The following PLEKHD1 variants were observed in gnomAD, a reference collection of about 807,000 sequenced individuals.
PLEKHD1 encodes pleckstrin homology and coiled-coil domain containing D1.
Under a neutral mutation model 69.2 loss-of-function variants are expected in PLEKHD1, and 51 were observed. The ratio of observed to expected loss-of-function variants is 0.74; its 90% CI spans 0.59 to 0.93. PLEKHD1 has a LOEUF of 0.93. Ranked by LOEUF, PLEKHD1 falls within the 40% of genes least tolerant of loss-of-function variation. The pLI, the probability that PLEKHD1 is intolerant of heterozygous loss-of-function variation, is 0.00. For missense variants in PLEKHD1, 584 were observed against 641.0 expected (o/e 0.91, Z 0.96); for synonymous variants, 236 against 244.7 (o/e 0.96, Z 0.33).
At chr14:69,513,929 T>C (rs182700134) in intron 6 of PLEKHD1, among the ~76,000 whole-genome samples, 20 of 152,322 alleles carry the variant, frequency 1.3e-4, no homozygotes, top group African/African-American at 4.3e-4. Context: ...TTTTCTTGCT[T>C]TCATGGTTTC....
the PLEKHD1 span, among the ~76,000 whole-genome samples, chr14:69,478,924 A>G: frequency 6.6e-6 from 1 of 152,182 alleles, no homozygotes; most frequent in Non-Finnish European, 1.5e-5. Context: ...TACTGGTACA[A>G]ACTTTTGAGT....
At chr14:69,517,382 A>G (rs941594688) in intron 6 of PLEKHD1, among the ~76,000 whole-genome samples, 11 of 152,114 alleles carry the variant, frequency 7.2e-5, no homozygotes, top group Non-Finnish European at 1.5e-4. Flanking sequence ...ACAGTTGGAT[A>G]TAAGAGGATG....
In PLEKHD1 at chr14:69,526,101, A is replaced by T; in HGVS notation, c.902A>T (p.Glu301Val). The change falls in exon 9 of 13, where the codon GAG becomes GTG. Residue 301 changes from glutamate to valine, a missense_variant. Coordinates refer to ENST00000322564, the MANE Select transcript of PLEKHD1 (RefSeq NM_001161498.2). ...GAGAAGATGCAGCAGCTCTTAGAGG[A>T]GAAGCTCCTGGCAGAGAAGCGGTGA... ...IEEKMQQLLEEKLLAEKRMKE... is the reference protein window; with the variant it reads ...IEEKMQQLLEVKLLAEKRMKE... 1 of 1,550,714 alleles carries T rather than the reference A, an allele frequency of 6.4e-7. No homozygotes were observed. The highest frequency in any genetic ancestry group is 1.4e-5 in the African/African-American group (1 of 73,046).
At chr14:69,501,238 C>G (rs1387704544) in intron 4 of PLEKHD1, 1 of 495,954 alleles carries the variant, frequency 2.0e-6, no homozygotes, top group East Asian at 3.6e-5. Flanking sequence ...CCTCCCCAGG[C>G]CCATAATTAA....
At chr14:69,526,881 C>T (rs1883663530) in intron 10 of PLEKHD1, 52 bp downstream of exon 10, 1 of 1,477,222 alleles carries the variant, frequency 6.8e-7, no homozygotes, top group East Asian at 2.5e-5. Context: ...TGGAGACTCC[C>T]CTTCCACCCC....
At chr14:69,502,946 T>C in intron 6 of PLEKHD1, 67 bp downstream of exon 6, 4 of 1,529,640 alleles carry the variant, frequency 2.6e-6, no homozygotes, top group African/African-American at 1.4e-5. Context: ...CACTAGGGAA[T>C]GATGCAGGGG....
At position 69,522,352 on chromosome 14, in the gene PLEKHD1, A is replaced by T. The variant is rs1477172243; in HGVS notation, c.625A>T (p.Arg209Ter). The change falls in exon 7 of 13, where the codon AGA (arginine) becomes TGA (stop). Residue 209 changes from arginine (R) to a stop codon, truncating the protein, a stop_gained. Transcript: ENST00000322564. LOFTEE classifies it high-confidence loss of function. ...GTTCGAGGAGGTGGTGCAGGAGCTG[A>T]GAATGGAGCAGGAGCAGATCAAGAG... Reference protein sequence around the residue: ...QQFEEVVQELRMEQEQIKREL... With the variant: ...QQFEEVVQEL 1 of 1,551,556 alleles carries T rather than the reference A, an allele frequency of 6.4e-7. No homozygotes were observed. The highest frequency in any genetic ancestry group is 1.2e-5 in the South Asian group (1 of 84,052).
the PLEKHD1 span, among the ~76,000 whole-genome samples, chr14:69,476,691 A>G: frequency 2.0e-5 from 3 of 152,194 alleles, no homozygotes; most frequent in Admixed American, 2.0e-4. Context: ...GAAGATGTGA[A>G]GAGCATGGGA....
intron 1 of PLEKHD1, among the ~76,000 whole-genome samples, chr14:69,499,625 C>T (rs1371785589): frequency 2.0e-5 from 3 of 152,198 alleles, no homozygotes; most frequent in Non-Finnish European, 4.4e-5. Context: ...TGGGGAGCAG[C>T]CTGAGACAAA....
chr14:69,530,017 T>A lies in PLEKHD1; in HGVS notation c.*1598T>A, dbSNP rs1429426730. ...CTGGGATCAGGGTGCTCTTGGACACTGTTGACATTAAAGGTGCTCATTCTT... is the reference window on the plus strand; with the variant it reads ...CTGGGATCAGGGTGCTCTTGGACACAGTTGACATTAAAGGTGCTCATTCTT... On this transcript the variant is annotated 3_prime_UTR_variant, in exon 13 of 13. Transcript: ENST00000322564. 6.6e-6 allele frequency: 1 copy of A among 152,260 alleles called. No individual in the cohort carries two copies. The highest frequency in any genetic ancestry group is 1.5e-5 in the Non-Finnish European group (1 of 68,060). 9.4% of individuals were successfully genotyped at this position (152,260 alleles called of 1,614,324 possible).
chr14:69,501,690 T>C, intron 4 of PLEKHD1, 44 bp from the exon 5 acceptor site: 1 of 1,423,128 alleles, frequency 7.0e-7, no homozygotes, highest in South Asian at 1.3e-5. Context: ...GATTTTCTGT[T>C]TCTTCCTCTT....
upstream of PLEKHD1, among the ~76,000 whole-genome samples, chr14:69,484,366 G>A (rs932750305): frequency 6.6e-6 from 1 of 152,202 alleles, no homozygotes; most frequent in Non-Finnish European, 1.5e-5. Flanking sequence ...ACCCCGAGGC[G>A]AGCAGGTGTC....
intron 9 of PLEKHD1, 51 bp from the exon 10 acceptor site, chr14:69,526,646 A>T: frequency 2.1e-6 from 3 of 1,443,042 alleles, no homozygotes; most frequent in Non-Finnish European, 2.8e-6. Context: ...ATCCATTGGC[A>T]ATCCCATTTG....
At chr14:69,483,728 C>T (rs1273086125), upstream of PLEKHD1, among the ~76,000 whole-genome samples, 2 of 152,266 alleles carry the variant, frequency 1.3e-5, no homozygotes, top group Non-Finnish European at 2.9e-5. Flanking sequence ...TCCTTGGCTC[C>T]TCATCTTGGA....
intron 1 of PLEKHD1, among the ~76,000 whole-genome samples, chr14:69,491,216 GCCTT>G (rs1274024440): frequency 2.6e-5 from 4 of 152,180 alleles, no homozygotes; most frequent in African/African-American, 9.7e-5. Context: ...CAGTTTTCCA[GCCTT>G]CCACACTGCT....
chr14:69,490,148 A>G (rs1485570652), intron 1 of PLEKHD1, among the ~76,000 whole-genome samples: 4 of 152,178 alleles, frequency 2.6e-5, no homozygotes, highest in Non-Finnish European at 5.9e-5. Context: ...GTTTACAGGC[A>G]TGAGCCCCCT....
chr14:69,526,817 G>T lies in PLEKHD1; in HGVS notation c.1044G>T (p.Glu348Asp), dbSNP rs1320190237. 6.5e-7 allele frequency: 1 copy of T among 1,546,414 alleles called. No individual in the cohort carries two copies. The highest frequency in any genetic ancestry group is 8.7e-7 in the Non-Finnish European group (1 of 1,144,494). Residue 348 changes from glutamate (E) to aspartate (D), a missense_variant, in exon 10 of 13, where the codon GAG (glutamate) becomes GAT (aspartate). Coordinates refer to ENST00000322564, the MANE Select transcript of PLEKHD1 (RefSeq NM_001161498.2). ...QELTAEKQQAERELKAEVKVR... is the reference protein window; with the variant it reads ...QELTAEKQQADRELKAEVKVR... ...TGACGGCAGAGAAGCAGCAGGCTGAGCGGGAGCTCAAGGTGCGACCTGGCC... is the reference window on the plus strand; with the variant it reads ...TGACGGCAGAGAAGCAGCAGGCTGATCGGGAGCTCAAGGTGCGACCTGGCC...
chr14:69,507,821 A>G (rs1883185639), intron 6 of PLEKHD1, among the ~76,000 whole-genome samples: 2 of 152,066 alleles, frequency 1.3e-5, no homozygotes. Flanking sequence ...AGATCCTCTC[A>G]CCTCAGCCTC....
At position 69,488,323 on chromosome 14, in the gene PLEKHD1, A is replaced by C. The variant is rs114787011; in HGVS notation, c.149+3209A>C. Among the ~76,000 whole-genome samples the C allele has an allele frequency of 4.4e-3, 670 of 152,324 alleles. 7 individuals are homozygous for C. Among genetic ancestry groups the C allele is most frequent in the African/African-American group, 0.016 (646 of 41,566 alleles). On this transcript the variant is annotated intron_variant, in intron 1 of 12. Transcript: ENST00000322564. The stretch of plus-strand genomic sequence containing the variant: ...GCCCAGGGTTTTGACTTTGGTGCTC[A>C]GCACTGCTTCCCAGAGGTGACACCA...
Sources: allele counts gnomAD v4.1 joint callset (sites outside exome capture counted in the v4.1 genomes callset), GRCh38; gene constraint gnomAD v4.1.1; transcripts MANE v1.5; gene names NCBI Gene and HGNC (gene_info 2026-07-23, HGNC 2026-07-21).